The following USP43 variants were observed in gnomAD, a reference collection of about 807,000 sequenced individuals.
USP43 encodes the protein ubiquitin carboxyl-terminal hydrolase 43.
In USP43, 33 loss-of-function variants were observed where a neutral mutation model predicts 90.7. That is an observed-to-expected ratio of 0.36 (90% CI 0.28 to 0.49). USP43 has a LOEUF of 0.49. Ranked by LOEUF, USP43 falls within the 20% of genes least tolerant of loss-of-function variation. The pLI is 0.98. For synonymous variants in USP43, 598 were observed against 615.8 expected (o/e 0.97, Z 0.43); for missense variants, 1,274 against 1,476.4 (o/e 0.86, Z 2.25).
At chr17:9,655,562 C>A (rs1473418648) in intron 1 of USP43, among the ~76,000 whole-genome samples, 1 of 152,164 alleles carries the variant, frequency 6.6e-6, no homozygotes, top group Non-Finnish European at 1.5e-5. Flanking sequence ...GACAAAGGTG[C>A]TACACAATTT....
intron 8 of USP43, among the ~76,000 whole-genome samples, chr17:9,690,145 G>A (rs1007962894): frequency 6.6e-6 from 1 of 152,022 alleles, no homozygotes; most frequent in Non-Finnish European, 1.5e-5. Flanking sequence ...CAGCCAAAGG[G>A]GTCGGCTCAC....
Position 9,714,804 on chromosome 17 carries a change from G to A in USP43, c.2335+2672G>A, listed in dbSNP as rs1003907521. Among the ~76,000 whole-genome samples the A allele has an allele frequency of 3.9e-5, 6 of 152,162 alleles. No homozygotes were observed. In the South Asian group the frequency reaches 1.2e-3, roughly 32 times the overall value. On this transcript the variant is annotated intron_variant, in intron 14 of 14. Coordinates refer to ENST00000285199, the MANE Select transcript of USP43 (RefSeq NM_153210.5). Reference sequence around the variant, plus strand: ...GAGAAGGAGCAGCCAGTGAGGGGAAGAAAACCAGGTGAGTGTGGTTGACAG... The same window carrying A: ...GAGAAGGAGCAGCCAGTGAGGGGAAAAAAACCAGGTGAGTGTGGTTGACAG...
Position 9,728,032 on chromosome 17 carries a change from C to A in USP43, c.2414C>A (p.Ala805Asp), listed in dbSNP as rs567425981. ...ISMKAPTTSR[A>D]KQGPFKTMPL... Reference sequence around the variant, plus strand: ...ATGAAGGCACCCACCACTTCCCGAGCCAAGCAGGGACCATTCAAGACCATG... The same window carrying A: ...ATGAAGGCACCCACCACTTCCCGAGACAAGCAGGGACCATTCAAGACCATG... Residue 805 changes from alanine (A) to aspartate (D), a missense_variant, in exon 15 of 15, where the codon GCC becomes GAC. Ala to Asp is a moderately radical substitution (Grantham distance 126). Transcript: ENST00000285199. This position sits in a 1 kb window ranked among gnomAD's most constrained non-coding sequence, Gnocchi z 6.2. 63 of 1,613,604 alleles carry A rather than the reference C, an allele frequency of 3.9e-5. No homozygotes were observed. The highest frequency in any genetic ancestry group is 3.2e-5 in the Non-Finnish European group (38 of 1,179,756).
At chr17:9,687,045 C>T (rs1914636695) in intron 8 of USP43, 136 bp downstream of exon 8, 8 of 621,662 alleles carry the variant, frequency 1.3e-5, no homozygotes, top group Admixed American at 3.1e-5. Flanking sequence ...AGTGTTCATA[C>T]TGTTTTATAA....
intron 5 of USP43, among the ~76,000 whole-genome samples, chr17:9,679,073 T>G (rs1913985739): frequency 6.6e-6 from 1 of 152,164 alleles, no homozygotes; most frequent in Admixed American, 6.5e-5. Flanking sequence ...AGTTATTATT[T>G]TAGCTTTATA....
At chr17:9,649,456 C>T (rs1911703327) in intron 1 of USP43, among the ~76,000 whole-genome samples, 1 of 151,686 alleles carries the variant, frequency 6.6e-6, no homozygotes, top group Non-Finnish European at 1.5e-5. Context: ...GAGGTTTGAG[C>T]TTCTCTTGGC....
At chr17:9,678,686 T>A (rs1913957365) in intron 5 of USP43, among the ~76,000 whole-genome samples, 1 of 152,190 alleles carries the variant, frequency 6.6e-6, no homozygotes, top group African/African-American at 2.4e-5. Context: ...TGTCATCTTA[T>A]GCTATTTACC....
intron 2 of USP43, among the ~76,000 whole-genome samples, chr17:9,666,354 C>T (rs761307417): frequency 1.8e-4 from 28 of 152,098 alleles, no homozygotes; most frequent in Non-Finnish European, 3.2e-4. Context: ...ACGCGCAGGG[C>T]CGTCCATCCA....
At chr17:9,681,013 A>G (rs548823596) in intron 6 of USP43, among the ~76,000 whole-genome samples, 15 of 139,876 alleles carry the variant, frequency 1.1e-4, no homozygotes, top group African/African-American at 3.7e-4. Context: ...TATATGTAAT[A>G]TATAAAATAT....
At chr17:9,662,519 C>T (rs1353410547) in intron 2 of USP43, among the ~76,000 whole-genome samples, 3 of 152,126 alleles carry the variant, frequency 2.0e-5, no homozygotes, top group South Asian at 2.1e-4. Context: ...AGTTGGGGGC[C>T]GAGTGGTGAG....
rs1914632134 is a variant in USP43 at position 9,686,964 on chromosome 17, T to G, written c.1353+55T>G. On this transcript the variant is annotated intron_variant, in intron 8 of 14. Coordinates refer to ENST00000285199, the MANE Select transcript of USP43 (RefSeq NM_153210.5). This position sits in a 1 kb window ranked among gnomAD's most constrained non-coding sequence, Gnocchi z 5.5. ...GTGCGTGCATGCGCATGTGCATGCG[T>G]GTGTGTGGGTGTGTGTATTGGGAGG... 7.0e-7 allele frequency: 1 copy of G among 1,434,504 alleles called. No individual in the cohort carries two copies. The highest frequency in any genetic ancestry group is 1.2e-5 in the South Asian group (1 of 84,898). 88.9% of individuals were successfully genotyped at this position (1,434,504 alleles called of 1,614,324 possible).
At chr17:9,664,230 C>T (rs1026887183) in intron 2 of USP43, among the ~76,000 whole-genome samples, 3 of 152,316 alleles carry the variant, frequency 2.0e-5, no homozygotes, top group Non-Finnish European at 2.9e-5. Context: ...CTACAACTTA[C>T]GTTGTACTAA....
At chr17:9,665,532 G>A (rs79707192) in intron 2 of USP43, among the ~76,000 whole-genome samples, 332 of 152,184 alleles carry the variant, frequency 2.2e-3, no homozygotes, top group African/African-American at 7.8e-3. Flanking sequence ...AACAGCATGG[G>A]GGAACCGCCC....
chr17:9,660,769 G>T (rs1025162098), intron 2 of USP43, among the ~76,000 whole-genome samples: 2 of 152,174 alleles, frequency 1.3e-5, no homozygotes, highest in South Asian at 4.1e-4. Context: ...AAGACCAGGG[G>T]GTGGCTATTG....
At chr17:9,651,117 G>A (rs1911830017) in intron 1 of USP43, among the ~76,000 whole-genome samples, 2 of 151,918 alleles carry the variant, frequency 1.3e-5, no homozygotes, top group South Asian at 2.1e-4. Flanking sequence ...CGAGGTGGAC[G>A]ATTTTTCCAT....
At chr17:9,682,768 C>T in intron 6 of USP43, 55 bp from the exon 7 acceptor site, 1 of 1,589,296 alleles carries the variant, frequency 6.3e-7, no homozygotes, top group South Asian at 1.1e-5. Flanking sequence ...AAGGCTCTGA[C>T]CCAGGAAAGC....
At chr17:9,694,768 C>T (rs999040052) in intron 9 of USP43, among the ~76,000 whole-genome samples, 1 of 152,048 alleles carries the variant, frequency 6.6e-6, no homozygotes, top group Non-Finnish European at 1.5e-5. Flanking sequence ...GGATTATAGG[C>T]ACACGCCATC....
At chr17:9,683,933 C>T (rs562744229) in intron 7 of USP43, among the ~76,000 whole-genome samples, 2 of 152,032 alleles carry the variant, frequency 1.3e-5, no homozygotes, top group East Asian at 1.9e-4. Context: ...GTCAGGAGTT[C>T]GAGACCATCC....
In USP43 at chr17:9,682,850, C is replaced by G; in HGVS notation, c.1133C>G (p.Pro378Arg). The change falls in exon 7 of 15, where the codon CCA (proline) becomes CGA (arginine). Residue 378 changes from proline to arginine, a missense_variant. Coordinates refer to ENST00000285199, the MANE Select transcript of USP43 (RefSeq NM_153210.5). ...CATCCACTGGGTCTGTCGGCCTCCCCACGCCTGGCAGCCCGTGAGGGCCAG... is the reference window on the plus strand; with the variant it reads ...CATCCACTGGGTCTGTCGGCCTCCCGACGCCTGGCAGCCCGTGAGGGCCAG... ...SAHPLGLSAS[P>R]RLAAREGQRF... is the part of the protein sequence containing the mutation. The G allele has an allele frequency of 6.2e-7, 1 of 1,614,016 alleles. No individual in the cohort carries two copies. Among genetic ancestry groups the G allele is most frequent in the Non-Finnish European group, 8.5e-7 (1 of 1,179,880 alleles).
Sources: gnomAD v4.1 joint callset for allele counts (sites outside exome capture counted in the v4.1 genomes callset) on GRCh38, gnomAD v4.1.1 for gene constraint, Gnocchi (gnomAD v3.1) non-coding constraint, MANE v1.5 for transcripts, NCBI Gene and HGNC (gene_info 2026-07-23, HGNC 2026-07-21) for gene names.